Variants in RNF144B observed in about 807,000 individuals in gnomAD.
The protein encoded by RNF144B is E3 ubiquitin-protein ligase RNF144B.
RNF144B carries 25 observed loss-of-function variants against 40.2 expected under a neutral mutation model. The ratio of observed to expected loss-of-function variants is 0.62; its 90% confidence interval spans 0.45 to 0.87. The LOEUF is 0.87. Ranked by LOEUF, RNF144B falls within the 40% of genes least tolerant of loss-of-function variation. The probability of loss-of-function intolerance (pLI) is 0.00; values close to 1 mark genes in which losing one functional copy is unlikely to be tolerated. For missense variants in RNF144B, 365 were observed against 373.7 expected (o/e 0.98, Z 0.19); for synonymous variants, 145 against 136.3 (o/e 1.06, Z -0.44).
intron 3 of RNF144B, among the ~76,000 whole-genome samples, chr6:18,431,921 C>G (rs1290033445): frequency 1.3e-5 from 2 of 152,158 alleles, no homozygotes; most frequent in Non-Finnish European, 2.9e-5. Context: ...TGAAGAGTAG[C>G]CTCCTTAGTG....
In RNF144B at chr6:18,427,601, G is replaced by A; in HGVS notation, c.186G>A (p.Gln62=). ...TCCAGTGCCTGAAACAGTACATGCA[G>A]CTGGCAATCCGAGAAGGATGTGGGT... ...FCTACLKQYM[Q]LAIREGCGSP... is the part of the protein sequence containing the mutation. The change falls in exon 3 of 8, where the codon CAG becomes CAA. Residue 62 remains glutamine (Q), a synonymous_variant. Transcript: ENST00000259939. 2 of 1,613,514 alleles carry A rather than the reference G, an allele frequency of 1.2e-6. No individual in the cohort carries two copies. The highest frequency in any genetic ancestry group is 1.7e-6 in the Non-Finnish European group (2 of 1,179,588).
intron 3 of RNF144B, 124 bp from the exon 4 acceptor site, chr6:18,439,560 G>C: frequency 1.5e-6 from 1 of 677,930 alleles, no homozygotes. Flanking sequence ...TGGAGAAAAA[G>C]AGGTTTGCAA....
At position 18,410,959 on chromosome 6, in the gene RNF144B, C is replaced by G. The variant is rs190806251; in HGVS notation, c.165+11260C>G. 7.9e-5 allele frequency among the ~76,000 whole-genome samples: 12 copies of G among 151,602 alleles called. No individual in the cohort carries two copies. The highest frequency in any genetic ancestry group is 1.2e-4 in the African/African-American group (5 of 41,332). The stretch of plus-strand genomic sequence containing the variant: ...TTTTCCTATCCATTTGGGATACTGT[C>G]AGCTTTCTTTTCTTTTTTTTTCTTC... On this transcript the variant is annotated intron_variant, in intron 2 of 7. Transcript: ENST00000259939. This position sits in a 1 kb window ranked among gnomAD's most constrained non-coding sequence, Gnocchi z 4.6.
chr6:18,438,077 C>A (rs1758863505), intron 3 of RNF144B, among the ~76,000 whole-genome samples: 1 of 152,150 alleles, frequency 6.6e-6, no homozygotes, highest in African/African-American at 2.4e-5. Flanking sequence ...TATCACCCCC[C>A]AAGTCATGTT....
intron 1 of RNF144B, among the ~76,000 whole-genome samples, chr6:18,393,112 T>C (rs1261958586): frequency 1.6e-5 from 2 of 124,908 alleles, no homozygotes; most frequent in East Asian, 4.4e-4. Context: ...AGAGTGAGAC[T>C]CCATCTCAAA....
At position 18,447,244 on chromosome 6, in the gene RNF144B, A is replaced by G. The variant is rs866855063; in HGVS notation, c.331+7500A>G. 2.6e-4 allele frequency among the ~76,000 whole-genome samples: 40 copies of G among 152,252 alleles called. No homozygotes were observed. Among genetic ancestry groups the G allele is most frequent in the Admixed American group, 2.1e-3 (32 of 15,286 alleles). On this transcript the variant is annotated intron_variant, in intron 4 of 7. Transcript: ENST00000259939. The surrounding 1 kb of genome is among the most constrained non-coding windows in gnomAD (Gnocchi z 5.6). ...TTTGATGTGAGCAAGCCATATGGAT[A>G]CTTACGGGAAGAACATCATTTCAGG...
rs920797288 is a variant in RNF144B, at chr6:18,412,860, G to T, written c.165+13161G>T. On this transcript the variant is annotated intron_variant, in intron 2 of 7. Transcript: ENST00000259939. The surrounding 1 kb of genome is among the most constrained non-coding windows in gnomAD (Gnocchi z 4.2). ...AATCATTTCCCACCCACAGTAAGGAGGTCTTTTTGGTTTGACTCTTCTGGA... is the reference window on the plus strand; with the variant it reads ...AATCATTTCCCACCCACAGTAAGGATGTCTTTTTGGTTTGACTCTTCTGGA... 4.6e-5 allele frequency among the ~76,000 whole-genome samples: 7 copies of T among 152,146 alleles called. No homozygotes were observed. Among genetic ancestry groups the T allele is most frequent in the African/African-American group, 1.4e-4 (6 of 41,514 alleles).
chr6:18,403,094 C>G (rs1023243718), intron 2 of RNF144B, among the ~76,000 whole-genome samples: 2 of 152,210 alleles, frequency 1.3e-5, no homozygotes, highest in African/African-American at 4.8e-5. Context: ...CAAAGAGTAT[C>G]TGTCTCTCCC....
Position 18,439,695 on chromosome 6 carries a change from G to T in RNF144B, c.282G>T (p.Leu94Phe), listed in dbSNP as rs1213638936. 6.2e-7 allele frequency: 1 copy of T among 1,612,128 alleles called. No homozygotes were observed. The highest frequency in any genetic ancestry group is 8.5e-7 in the Non-Finnish European group (1 of 1,178,320). The part of the protein sequence containing the change: ...GTLQEAEIAC[L>F]VPVDQFQLYQ... ...GTCTCTGGTTTCAGATTGCCTGTTT[G>T]GTACCTGTGGACCAGTTTCAACTTT... Residue 94 changes from leucine to phenylalanine, a missense_variant, in exon 4 of 8, where the codon TTG (leucine) becomes TTT (phenylalanine). Physicochemically the swap from Leu to Phe is conservative, Grantham distance 22. Coordinates refer to ENST00000259939, the MANE Select transcript of RNF144B (RefSeq NM_182757.4).
rs887298273 is a variant in RNF144B, at chr6:18,466,598, T to G, written c.*1531T>G. 2.0e-5 allele frequency: 3 copies of G among 152,602 alleles called. No homozygotes were observed. The allele number at this position is 152,602 out of a possible 1,614,324, so 9.5% of individuals were successfully genotyped here. On this transcript the variant is annotated 3_prime_UTR_variant, in exon 8 of 8. Transcript: ENST00000259939. ...ATTGGCAATGTAGCCTGGTGCTTCA[T>G]GAGACCTATGCTAAATGTTACTGGA...
rs1049041824 is a variant in RNF144B at position 18,468,426 on chromosome 6, T to C, written c.*3359T>C. On this transcript the variant is annotated 3_prime_UTR_variant, in exon 8 of 8. Coordinates refer to ENST00000259939, the MANE Select transcript of RNF144B (RefSeq NM_182757.4). ...GGCCTTTGAAAAACAAATAATTCTG[T>C]GTGAATTTTCTTGTAGCGTGCTTCA... is the stretch of plus-strand genomic sequence containing the variant. 6.6e-6 allele frequency: 1 copy of C among 152,256 alleles called. No homozygotes were observed. The highest frequency in any genetic ancestry group is 1.5e-5 in the Non-Finnish European group (1 of 68,054). The allele number at this position is 152,256 out of a possible 1,614,324, so 9.4% of individuals were successfully genotyped here.
At position 18,387,535 on chromosome 6, in the gene RNF144B, A is replaced by C. The variant is rs1794477833; in HGVS notation, c.-132A>C. 1.7e-5 allele frequency: 23 copies of C among 1,314,598 alleles called. No homozygotes were observed. The highest frequency in any genetic ancestry group is 2.1e-5 in the Non-Finnish European group (21 of 1,003,492). 81.4% of individuals were successfully genotyped at this position (1,314,598 alleles called of 1,614,324 possible). ...GGAGGAAAGACGGAGAGAATGGAAG[A>C]GCTCCTGTCCGGTGTGCCAGCAGCC... On this transcript the variant is annotated 5_prime_UTR_variant, in exon 1 of 8. Transcript: ENST00000259939.
At chr6:18,424,238 A>T (rs1305449201) in intron 2 of RNF144B, among the ~76,000 whole-genome samples, 1 of 152,194 alleles carries the variant, frequency 6.6e-6, no homozygotes, top group Non-Finnish European at 1.5e-5. Context: ...TCGAGATTAA[A>T]TGTTTTAGTG....
At chr6:18,449,974 T>G (rs1026945587) in intron 4 of RNF144B, among the ~76,000 whole-genome samples, 1 of 152,192 alleles carries the variant, frequency 6.6e-6, no homozygotes, top group African/African-American at 2.4e-5. Context: ...ACAAATTGTA[T>G]AAGTATTCTT....
rs962332664 is a variant in RNF144B, at chr6:18,443,058, C to T, written c.331+3314C>T. Among the ~76,000 whole-genome samples the T allele has an allele frequency of 3.9e-5, 6 of 152,142 alleles. No homozygotes were observed. Among genetic ancestry groups the T allele is most frequent in the East Asian group, 1.9e-4 (1 of 5,182 alleles). On this transcript the variant is annotated intron_variant, in intron 4 of 7. Transcript: ENST00000259939. This position sits in a 1 kb window ranked among gnomAD's most constrained non-coding sequence, Gnocchi z 4.7. ...GGTAAAGTAACTAGAATTGGGATTACGGGATCATGTGGTAATTTTACATTT... is the reference window on the plus strand; with the variant it reads ...GGTAAAGTAACTAGAATTGGGATTATGGGATCATGTGGTAATTTTACATTT...
At chr6:18,421,163 G>T (rs1758406839) in intron 2 of RNF144B, among the ~76,000 whole-genome samples, 1 of 151,662 alleles carries the variant, frequency 6.6e-6, no homozygotes, top group African/African-American at 2.4e-5. Flanking sequence ...GAGGTGAGAA[G>T]ATTGCTTGAC....
intron 2 of RNF144B, among the ~76,000 whole-genome samples, chr6:18,423,625 A>G (rs1758484841): frequency 6.6e-6 from 1 of 152,214 alleles, no homozygotes; most frequent in Non-Finnish European, 1.5e-5. Flanking sequence ...GTTTCTGAGT[A>G]GATTCCATTG....
At chr6:18,423,820 A>G (rs1241850890) in intron 2 of RNF144B, among the ~76,000 whole-genome samples, 1 of 152,224 alleles carries the variant, frequency 6.6e-6, no homozygotes, top group Non-Finnish European at 1.5e-5. Context: ...TGTTTTACCA[A>G]ACTAAGTAAA....
Position 18,439,684 on chromosome 6 carries a change from A to G in RNF144B, c.271A>G (p.Ile91Val). ...CAACCTTTTATGTCTCTGGTTTCAG[A>G]TTGCCTGTTTGGTACCTGTGGACCA... The part of the protein sequence containing the change: ...LNHGTLQEAE[I>V]ACLVPVDQFQ... The change falls in exon 4 of 8, where the codon ATT becomes GTT. Residue 91 changes from isoleucine to valine, a missense_variant and splice_region_variant. Ile to Val is a conservative substitution (Grantham distance 29). Transcript: ENST00000259939. The G allele has an allele frequency of 6.2e-7, 1 of 1,611,040 alleles. No individual in the cohort carries two copies. Among genetic ancestry groups the G allele is most frequent in the East Asian group, 2.2e-5 (1 of 44,858 alleles).
Sources: gnomAD v4.1 joint callset for allele counts (sites outside exome capture counted in the v4.1 genomes callset) on GRCh38, gnomAD v4.1.1 for gene constraint, Gnocchi (gnomAD v3.1) non-coding constraint, MANE v1.5 for transcripts, NCBI Gene and HGNC (gene_info 2026-07-23, HGNC 2026-07-21) for gene names.